Variants in SASH1 observed in about 807,000 individuals in gnomAD.
SASH1 encodes the protein SAM and SH3 domain-containing protein 1.
SASH1 carries 44 observed loss-of-function variants against 125.2 expected under a neutral mutation model. The observed-to-expected ratio is 0.35, with a 90% CI of 0.28 to 0.45. The LOEUF is 0.45. Ranked by LOEUF, SASH1 falls within the 20% of genes least tolerant of loss-of-function variation. The probability of loss-of-function intolerance (pLI) is 1.00; values close to 1 mark genes in which losing one functional copy is unlikely to be tolerated. For synonymous variants in SASH1, 639 were observed against 649.1 expected (o/e 0.98, Z 0.24); for missense variants, 1,426 against 1,614.5 (o/e 0.88, Z 2.00).
intron 2 of SASH1, among the ~76,000 whole-genome samples, chr6:148,421,132 AG>A (rs1475471619): frequency 1.6e-4 from 10 of 63,178 alleles, no homozygotes; most frequent in African/African-American, 5.5e-4. Flanking sequence ...GAAGAAAGGA[AG>A]GAAGGAAGGA....
In SASH1 at chr6:148,377,086, C is replaced by T. The variant is rs1393117367; in HGVS notation, c.157-13048C>T. ...TTGGGAGGCTGAGGCAGGAGAATGG[C>T]GTGAACCCGGGAGGCGGAGCTTGCA... On this transcript the variant is annotated intron_variant, in intron 1 of 19. Coordinates refer to ENST00000367467, the MANE Select transcript of SASH1 (RefSeq NM_015278.5). 3.3e-3 allele frequency among the ~76,000 whole-genome samples: 479 copies of T among 144,908 alleles called. 2 individuals carry two copies. Among genetic ancestry groups the T allele is most frequent in the African/African-American group, 0.012 (461 of 39,518 alleles).
chr6:148,279,685 A>G (rs1047847855), intron 1 of SASH1, among the ~76,000 whole-genome samples: 3 of 152,138 alleles, frequency 2.0e-5, no homozygotes, highest in Non-Finnish European at 4.4e-5. Context: ...TCATCTATCC[A>G]TCCATCATCA....
intron 4 of SASH1, among the ~76,000 whole-genome samples, chr6:148,446,132 G>A (rs1227136130): frequency 8.0e-5 from 6 of 75,220 alleles, no homozygotes; most frequent in Admixed American, 6.3e-4. Context: ...TTTTTGAGAC[G>A]GAGCCTCACT....
Position 148,534,819 on chromosome 6 carries a change from A to C in SASH1, c.2013A>C (p.Glu671Asp). 6.2e-7 allele frequency: 1 copy of C among 1,614,204 alleles called. No homozygotes were observed. The highest frequency in any genetic ancestry group is 8.5e-7 in the Non-Finnish European group (1 of 1,180,022). ...ACACCTTTAAGCTGCTGGAGGAGGAAGACTTGGATGAGTTAAATATCAGGG... is the reference window on the plus strand; with the variant it reads ...ACACCTTTAAGCTGCTGGAGGAGGACGACTTGGATGAGTTAAATATCAGGG... The part of the protein sequence containing the change: ...DLDTFKLLEE[E>D]DLDELNIRDP... The change falls in exon 16 of 20, where the codon GAA (glutamate) becomes GAC (aspartate). Residue 671 changes from glutamate to aspartate, a missense_variant. Physicochemically the swap from Glu to Asp is conservative, Grantham distance 45 (BLOSUM62 2). This residue lies in a region of SASH1 where 225 missense variants were observed against 344.5 expected (regional missense o/e 0.65). Transcript: ENST00000367467.
intron 7 of SASH1, 32 bp from the exon 8 acceptor site, chr6:148,487,582 T>C (rs1366745791): frequency 2.0e-6 from 3 of 1,522,688 alleles, no homozygotes; most frequent in Non-Finnish European, 2.7e-6. Flanking sequence ...GGCCATTCTT[T>C]CCATTTCAGT....
In SASH1 at chr6:148,519,287, G is replaced by A. The variant is rs907669298; in HGVS notation, c.863-260G>A. Among the ~76,000 whole-genome samples the A allele has an allele frequency of 2.6e-5, 4 of 152,102 alleles. No homozygotes were observed. The highest frequency in any genetic ancestry group is 4.8e-5 in the African/African-American group (2 of 41,430). The stretch of plus-strand genomic sequence containing the variant: ...TATGGCTAGCTTAGATTTTGCAAAC[G>A]GCATTTTAAATACGCCTGTGAAGGT... On this transcript the variant is annotated intron_variant, in intron 9 of 19. Coordinates refer to ENST00000367467, the MANE Select transcript of SASH1 (RefSeq NM_015278.5). This position sits in a 1 kb window ranked among gnomAD's most constrained non-coding sequence, Gnocchi z 4.8.
chr6:148,513,226 T>C (rs760860045), intron 8 of SASH1: 37 of 985,318 alleles, frequency 3.8e-5, no homozygotes, highest in Non-Finnish European at 4.1e-5. Flanking sequence ...TTTTGTTTTG[T>C]GTGTTCATTT....
chr6:148,432,499 A>G (rs1776105778), intron 2 of SASH1, among the ~76,000 whole-genome samples: 1 of 152,242 alleles, frequency 6.6e-6, no homozygotes. Flanking sequence ...CATTAATTGC[A>G]TGCATCAGTA....
intron 1 of SASH1, among the ~76,000 whole-genome samples, chr6:148,298,972 G>A (rs1161602964): frequency 6.6e-6 from 1 of 152,156 alleles, no homozygotes; most frequent in Non-Finnish European, 1.5e-5. Flanking sequence ...AGAGCCATTA[G>A]GTTATGTTTT....
intron 1 of SASH1, among the ~76,000 whole-genome samples, chr6:148,317,542 A>G (rs1316474582): frequency 6.6e-6 from 1 of 152,222 alleles, no homozygotes; most frequent in Admixed American, 6.5e-5. Context: ...CTCCTGCCTC[A>G]GCCTCCCGAG....
At chr6:148,508,799 G>A (rs1020614909) in intron 8 of SASH1, 140 of 870,274 alleles carry the variant, frequency 1.6e-4, no homozygotes, top group African/African-American at 1.2e-3. Context: ...GAGTGAAGAC[G>A]CTCTCCGAGT....
At chr6:148,301,215 A>C (rs919528243) in intron 1 of SASH1, among the ~76,000 whole-genome samples, 1 of 150,458 alleles carries the variant, frequency 6.6e-6, no homozygotes, top group Non-Finnish European at 1.5e-5. Context: ...AATCCCAGCT[A>C]CTCAGGAGGC....
In SASH1 at chr6:148,519,469, A is replaced by C. The variant is rs1780661053; in HGVS notation, c.863-78A>C. 9.6e-7 allele frequency: 1 copy of C among 1,042,210 alleles called. No individual in the cohort carries two copies. The highest frequency in any genetic ancestry group is 2.4e-5 in the East Asian group (1 of 41,546). 64.6% of individuals were successfully genotyped at this position (1,042,210 alleles called of 1,614,324 possible). A position where few individuals can be genotyped will look rare whatever the true frequency, so the allele number is the denominator to read the frequency against. On this transcript the variant is annotated intron_variant, in intron 9 of 19. Transcript: ENST00000367467. This position sits in a 1 kb window ranked among gnomAD's most constrained non-coding sequence, Gnocchi z 4.8. ...TATAAAGAGGGTCATGATACGGAGAAAGGTGGTGAATGTAAAGAAAGATGT... is the reference window on the plus strand; with the variant it reads ...TATAAAGAGGGTCATGATACGGAGACAGGTGGTGAATGTAAAGAAAGATGT...
At chr6:148,409,653 A>G (rs897170587) in intron 2 of SASH1, among the ~76,000 whole-genome samples, 2 of 152,206 alleles carry the variant, frequency 1.3e-5, no homozygotes, top group Non-Finnish European at 2.9e-5. Flanking sequence ...CAAGTGACCA[A>G]TTCTGGGCGT....
rs1562483218 is a variant in SASH1, at chr6:148,525,296, CTGCAGTT to C, written c.1217_1223del (p.Cys406LeufsTer6). ...CCCTACCCTCTTTTCCACAGAGAACCTGCAGTTTTGGAGGATTTGACTTGACGAATCG... is the reference window on the plus strand; with the variant it reads ...CCCTACCCTCTTTTCCACAGAGAACCTTGGAGGATTTGACTTGACGAATCG... On this transcript the variant is annotated frameshift_variant, in exon 11 of 20. Coordinates refer to ENST00000367467, the MANE Select transcript of SASH1 (RefSeq NM_015278.5). LOFTEE classifies it high-confidence loss of function. 1 of 1,613,900 alleles carries C rather than the reference CTGCAGTT, an allele frequency of 6.2e-7. No individual in the cohort carries two copies. Among genetic ancestry groups the C allele is most frequent in the African/African-American group, 1.3e-5 (1 of 74,938 alleles).
At chr6:148,296,351 C>A (rs1242673597) in intron 1 of SASH1, among the ~76,000 whole-genome samples, 1 of 152,148 alleles carries the variant, frequency 6.6e-6, no homozygotes, top group Non-Finnish European at 1.5e-5. Flanking sequence ...GTCTCAAACT[C>A]CTGACCTCAA....
chr6:148,420,214 T>C (rs1487608091), intron 2 of SASH1, among the ~76,000 whole-genome samples: 4 of 152,224 alleles, frequency 2.6e-5, no homozygotes, highest in Non-Finnish European at 5.9e-5. Flanking sequence ...TGTGCGTGTG[T>C]GTATGTAAAT....
chr6:148,507,247 G>C (rs1362832715), intron 8 of SASH1, among the ~76,000 whole-genome samples: 1 of 152,164 alleles, frequency 6.6e-6, no homozygotes, highest in Non-Finnish European at 1.5e-5. Flanking sequence ...AGAAGAGCAG[G>C]ACAAGAGCCG....
the SASH1 span, among the ~76,000 whole-genome samples, chr6:148,228,273 A>G: frequency 6.6e-6 from 1 of 152,138 alleles, no homozygotes; most frequent in African/African-American, 2.4e-5. Flanking sequence ...TTGAGATTTA[A>G]TAGTATTTTT....
Sources: gnomAD v4.1 joint callset for allele counts (sites outside exome capture counted in the v4.1 genomes callset) on GRCh38, gnomAD v4.1.1 for gene constraint, gnomAD v4.1.1 regional missense constraint, Gnocchi (gnomAD v3.1) non-coding constraint, MANE v1.5 for transcripts, NCBI Gene and HGNC (gene_info 2026-07-23, HGNC 2026-07-21) for gene names.